LETM2: variants seen among roughly 807,000 people sequenced by gnomAD.
LETM2 encodes leucine zipper and EF-hand containing transmembrane protein 2, also known as LETM1 domain-containing protein LETM2, mitochondrial.
In LETM2, 58 loss-of-function variants were observed where a neutral mutation model predicts 59.6. The observed-to-expected ratio is 0.97, with a 90% CI of 0.79 to 1.21. The LOEUF (loss-of-function observed/expected upper bound fraction) is 1.21. Among genes scored for constraint, LETM2 ranks in the 50% most tolerant of loss-of-function variants. The pLI, the probability that LETM2 is intolerant of heterozygous loss-of-function variation, is 0.00. For missense variants in LETM2, 572 were observed against 575.7 expected (o/e 0.99, Z 0.07); for synonymous variants, 199 against 214.1 (o/e 0.93, Z 0.62).
intron 4 of LETM2, among the ~76,000 whole-genome samples, chr8:38,397,785 G>T (rs1172149652): frequency 1.3e-5 from 2 of 152,176 alleles, no homozygotes; most frequent in African/African-American, 4.8e-5. Context: ...AGGGAAACCA[G>T]CTGGAATGCT....
Position 38,402,544 on chromosome 8 carries a change from T to A in LETM2, c.1004T>A (p.Val335Glu), listed in dbSNP as rs1267335480. The A allele has an allele frequency of 1.2e-6, 2 of 1,613,932 alleles. No homozygotes were observed. The highest frequency in any genetic ancestry group is 1.7e-6 in the Non-Finnish European group (2 of 1,179,842). Residue 335 changes from valine to glutamate, a missense_variant, in exon 7 of 11, where the codon GTG (valine) becomes GAG (glutamate). Transcript: ENST00000379957. ...TTTCAGATAATTGCCAAGGAAGGGG[T>A]GACAGCATTGAGTGTATCAGAACTA... is the stretch of plus-strand genomic sequence containing the variant. Reference protein sequence around the residue: ...ADDEIIAKEGVTALSVSELQA... With the variant: ...ADDEIIAKEGETALSVSELQA...
chr8:38,391,368 T>C (rs1471547415), intron 2 of LETM2, among the ~76,000 whole-genome samples: 1 of 147,852 alleles, frequency 6.8e-6, no homozygotes, highest in Admixed American at 6.8e-5. Context: ...AGTGGCACGA[T>C]CTTGGCTTAT....
intron 8 of LETM2, among the ~76,000 whole-genome samples, chr8:38,405,057 T>C (rs1328657495): frequency 2.6e-5 from 4 of 152,216 alleles, no homozygotes; most frequent in Non-Finnish European, 5.9e-5. Flanking sequence ...CCCAGCTTGA[T>C]TGAGAATTTT....
intron 2 of LETM2, 123 bp downstream of exon 2, chr8:38,388,153 T>G: frequency 1.5e-6 from 1 of 669,238 alleles, no homozygotes; most frequent in Non-Finnish European, 2.6e-6. Flanking sequence ...CAATCTCGGC[T>G]CACTGCAACC....
At chr8:38,390,579 G>A (rs1272674537) in intron 2 of LETM2, among the ~76,000 whole-genome samples, 5 of 130,504 alleles carry the variant, frequency 3.8e-5, no homozygotes, top group African/African-American at 5.8e-5. Context: ...TCAAGATCGC[G>A]TCACTGCACT....
chr8:38,407,092 T>C lies in LETM2; in HGVS notation c.1311+54T>C, dbSNP rs1031882937. The C allele has an allele frequency of 8.0e-5, 87 of 1,080,852 alleles. No individual in the cohort carries two copies. In the Middle Eastern group the frequency reaches 1.0e-3, roughly 12 times the overall value. The allele number at this position is 1,080,852 out of a possible 1,614,324, so 67.0% of individuals were successfully genotyped here. The stretch of plus-strand genomic sequence containing the variant: ...TTAGATTAAAAAATGAAAATAGCAA[T>C]GGGTCATTTTCTCCTGTTTTAATCC... On this transcript the variant is annotated intron_variant, in intron 9 of 10. Transcript: ENST00000379957.
intron 4 of LETM2, chr8:38,396,955 C>A: frequency 2.8e-6 from 1 of 350,940 alleles, no homozygotes; most frequent in South Asian, 2.1e-5. Context: ...CCACTGTTAC[C>A]GCGGTGACTA....
chr8:38,393,555 G>T (rs2150420519), intron 3 of LETM2: 1 of 153,394 alleles, frequency 6.5e-6, no homozygotes, highest in East Asian at 1.9e-4. Flanking sequence ...GCTGAGGCAG[G>T]AGAATGGCTT....
At chr8:38,394,874 G>T (rs1812566132) in intron 4 of LETM2, among the ~76,000 whole-genome samples, 1 of 149,148 alleles carries the variant, frequency 6.7e-6, no homozygotes, top group African/African-American at 2.5e-5. Flanking sequence ...AAAATTCCCT[G>T]TGCTCCACCT....
chr8:38,383,093 G>C (rs1467872762), upstream of LETM2: 1 of 152,238 alleles, frequency 6.6e-6, no homozygotes, highest in African/African-American at 2.4e-5. Flanking sequence ...CGACGGCTCC[G>C]TGACCGTCAC....
chr8:38,390,133 G>A (rs1430440720), intron 2 of LETM2, among the ~76,000 whole-genome samples: 2 of 152,060 alleles, frequency 1.3e-5, no homozygotes, highest in East Asian at 1.9e-4. Context: ...AGCCTGGGAG[G>A]TCGAGGCTGC....
upstream of LETM2, among the ~76,000 whole-genome samples, chr8:38,383,691 G>A (rs1009910318): frequency 6.6e-6 from 1 of 151,592 alleles, no homozygotes; most frequent in Non-Finnish European, 1.5e-5. Context: ...AGCACTTTGG[G>A]AGGCCGAGGC....
At chr8:38,397,184 T>C in intron 4 of LETM2, 1 of 455,162 alleles carries the variant, frequency 2.2e-6, no homozygotes, top group Non-Finnish European at 4.4e-6. Flanking sequence ...GCAACTTTTT[T>C]TTTTTTTTTT....
At chr8:38,382,675 C>T (rs1426053755), upstream of LETM2, 1 of 152,244 alleles carries the variant, frequency 6.6e-6, no homozygotes, top group Non-Finnish European at 1.5e-5. The surrounding 1 kb of genome is among the most constrained non-coding windows in gnomAD (Gnocchi z 4.2). Flanking sequence ...GGCTCTCTAG[C>T]TCTTAAGGGT....
In LETM2 at chr8:38,402,569, A is replaced by G. The variant is rs550060472; in HGVS notation, c.1029A>G (p.Leu343=). ...EGVTALSVSE[L]QAACRARGMR... ...TGACAGCATTGAGTGTATCAGAACT[A>G]CAGGCTGCCTGTAGGGCCCGAGGGA... is the stretch of plus-strand genomic sequence containing the variant. The change falls in exon 7 of 11, where the codon CTA becomes CTG. Residue 343 remains leucine, a synonymous_variant. Coordinates refer to ENST00000379957, the MANE Select transcript of LETM2 (RefSeq NM_001286819.2). 1 of 1,614,004 alleles carries G rather than the reference A, an allele frequency of 6.2e-7. No individual in the cohort carries two copies. Among genetic ancestry groups the G allele is most frequent in the South Asian group, 1.1e-5 (1 of 91,082 alleles).
intron 4 of LETM2, among the ~76,000 whole-genome samples, chr8:38,399,097 A>G (rs1385738328): frequency 2.0e-5 from 3 of 151,730 alleles, no homozygotes; most frequent in Non-Finnish European, 4.4e-5. Context: ...TCTAAATATC[A>G]GTGATTCTTA....
chr8:38,404,432 C>T lies in LETM2; in HGVS notation c.1144C>T (p.Leu382Phe), dbSNP rs964217639. The change falls in exon 8 of 11, where the codon CTT (leucine) becomes TTT (phenylalanine). Residue 382 changes from leucine to phenylalanine, a missense_variant. Leu to Phe is a conservative substitution (Grantham distance 22, BLOSUM62 0). Coordinates refer to ENST00000379957, the MANE Select transcript of LETM2 (RefSeq NM_001286819.2). The stretch of plus-strand genomic sequence containing the variant: ...CCTGAAGGAGAACGTCCCTCCTTCC[C>T]TTTTGCTCCTGTCCCGCACCTTCTA... ...LHLKENVPPSLLLLSRTFYLI... is the reference protein window; with the variant it reads ...LHLKENVPPSFLLLSRTFYLI... 3.7e-6 allele frequency: 6 copies of T among 1,613,988 alleles called. No individual in the cohort carries two copies. In the Admixed American group the frequency reaches 6.7e-5, roughly 18 times the overall value.
chr8:38,396,267 G>C (rs988188923), intron 4 of LETM2, among the ~76,000 whole-genome samples: 6 of 151,670 alleles, frequency 4.0e-5, no homozygotes, highest in African/African-American at 1.5e-4. Flanking sequence ...AGGTTCAAGC[G>C]AGTCTCCTGC....
At chr8:38,387,605 G>A (rs1313793964) in intron 1 of LETM2, among the ~76,000 whole-genome samples, 2 of 152,066 alleles carry the variant, frequency 1.3e-5, no homozygotes, top group African/African-American at 2.4e-5. Flanking sequence ...TATATTTTAA[G>A]GCTACAGATA....
Sources: gnomAD v4.1 joint callset for allele counts (sites outside exome capture counted in the v4.1 genomes callset) on GRCh38, gnomAD v4.1.1 for gene constraint, Gnocchi (gnomAD v3.1) non-coding constraint, MANE v1.5 for transcripts, NCBI Gene and HGNC (gene_info 2026-07-23, HGNC 2026-07-21) for gene names.